Variants in MCPH1 observed in about 807,000 individuals in gnomAD.
The protein encoded by MCPH1 is microcephalin 1.
In MCPH1, 104 loss-of-function variants were observed where a neutral mutation model predicts 84.5. That is an observed-to-expected ratio of 1.23 (90% CI 1.05 to 1.45). The LOEUF is 1.45. Among genes scored for constraint, MCPH1 ranks in the 40% most tolerant of loss-of-function variants. MCPH1 has a pLI of 0.00. For synonymous variants in MCPH1, 514 were observed against 366.8 expected (o/e 1.40, Z -4.58); for missense variants, 1,498 against 1,005.7 (o/e 1.49, Z -6.62).
chr8:6,455,786 C>G (rs1805608446), intron 9 of MCPH1, among the ~76,000 whole-genome samples: 1 of 152,194 alleles, frequency 6.6e-6, no homozygotes, highest in South Asian at 2.1e-4. Flanking sequence ...TTTTATCATT[C>G]AATATCTACT....
At chr8:6,415,329 C>G (rs1386341475) in intron 3 of MCPH1, among the ~76,000 whole-genome samples, 4 of 144,624 alleles carry the variant, frequency 2.8e-5, no homozygotes, top group African/African-American at 7.8e-5. Flanking sequence ...GCTCTGTCAT[C>G]CAAGCTAGAG....
chr8:6,580,817 C>T (rs13280127), intron 12 of MCPH1, among the ~76,000 whole-genome samples: 63,826 of 152,132 alleles, frequency 0.42, 14,357 homozygotes, highest in East Asian at 0.85. Context: ...CTTCTGCTTC[C>T]TATTCCTGTA....
At chr8:6,537,269 G>A (rs1035800876) in intron 12 of MCPH1, among the ~76,000 whole-genome samples, 2 of 152,150 alleles carry the variant, frequency 1.3e-5, no homozygotes, top group Non-Finnish European at 2.9e-5. Context: ...AATAGGTCCT[G>A]CTGTATATGT....
At chr8:6,636,010 G>C (rs1382856761) in intron 13 of MCPH1, among the ~76,000 whole-genome samples, 1 of 152,224 alleles carries the variant, frequency 6.6e-6, no homozygotes, top group Admixed American at 6.5e-5. Context: ...GTGTGAATAA[G>C]TGTAAGGAAA....
intron 12 of MCPH1, among the ~76,000 whole-genome samples, chr8:6,609,381 A>G (rs1432422024): frequency 1.3e-5 from 2 of 152,186 alleles, no homozygotes; most frequent in African/African-American, 4.8e-5. Flanking sequence ...GAGGCATGAA[A>G]TCCAGATTTA....
chr8:6,620,815 A>G (rs570641657), intron 12 of MCPH1, among the ~76,000 whole-genome samples: 1 of 152,316 alleles, frequency 6.6e-6, no homozygotes, highest in South Asian at 2.1e-4. Context: ...GAAGCAGAGC[A>G]GCTTCACATC....
Position 6,647,516 on chromosome 8 carries a change from C to G in MCPH1, c.*4467C>G, listed in dbSNP as rs1798268723. 1.3e-5 allele frequency: 2 copies of G among 152,176 alleles called. No homozygotes were observed. Among genetic ancestry groups the G allele is most frequent in the African/African-American group, 4.8e-5 (2 of 41,444 alleles). The allele number at this position is 152,176 out of a possible 1,614,324, so 9.4% of individuals were successfully genotyped here. A position where few individuals can be genotyped will look rare whatever the true frequency, so the allele number is the denominator to read the frequency against. ...ATTATTCATAATAACCAAAAATTAG[C>G]CCATCAACTGAAAAGTAGATAAACA... On this transcript the variant is annotated 3_prime_UTR_variant, in exon 14 of 14. Coordinates refer to ENST00000344683, the MANE Select transcript of MCPH1 (RefSeq NM_024596.5).
At chr8:6,410,542 G>T (rs1392828795) in intron 2 of MCPH1, among the ~76,000 whole-genome samples, 1 of 152,158 alleles carries the variant, frequency 6.6e-6, no homozygotes, top group Non-Finnish European at 1.5e-5. Context: ...ATCACGTACT[G>T]CTTGTGTTCA....
rs151315076 is a variant in MCPH1, at chr8:6,439,452, G to A, written c.580+356G>A. 5.6e-3 allele frequency among the ~76,000 whole-genome samples: 844 copies of A among 149,418 alleles called. 7 individuals are homozygous for A. The highest frequency in any genetic ancestry group is 0.02 in the African/African-American group (821 of 40,496). The stretch of plus-strand genomic sequence containing the variant: ...GTCACCCAGGCTGGAGTGCAGTGGC[G>A]CGATCTGGGCTCACTGCAACCTCCC... On this transcript the variant is annotated intron_variant, in intron 6 of 13. Coordinates refer to ENST00000344683, the MANE Select transcript of MCPH1 (RefSeq NM_024596.5).
At chr8:6,636,544 A>T (rs1797569487) in intron 13 of MCPH1, among the ~76,000 whole-genome samples, 1 of 152,052 alleles carries the variant, frequency 6.6e-6, no homozygotes, top group East Asian at 1.9e-4. Flanking sequence ...CAGTGCTGCG[A>T]TCATAGCTCA....
At chr8:6,550,917 G>A (rs758634666) in intron 12 of MCPH1, among the ~76,000 whole-genome samples, 1 of 152,154 alleles carries the variant, frequency 6.6e-6, no homozygotes, top group South Asian at 2.1e-4. Flanking sequence ...ACAGCCCAAG[G>A]AGCCCAAGGG....
At chr8:6,592,675 G>A (rs2442578) in intron 12 of MCPH1, among the ~76,000 whole-genome samples, 1 of 122,862 alleles carries the variant, frequency 8.1e-6, no homozygotes, top group Non-Finnish European at 1.6e-5. Context: ...TTTTAATTGA[G>A]AAGGGGTCTC....
chr8:6,532,845 C>A (rs890894987), intron 12 of MCPH1, among the ~76,000 whole-genome samples: 10 of 152,184 alleles, frequency 6.6e-5, no homozygotes, highest in Admixed American at 3.9e-4. Flanking sequence ...CTGTCCTACC[C>A]AGCTGCAACT....
chr8:6,557,797 G>T (rs1433668853), intron 12 of MCPH1, among the ~76,000 whole-genome samples: 1 of 152,006 alleles, frequency 6.6e-6, no homozygotes, highest in South Asian at 2.1e-4. Flanking sequence ...ATTGTGAACA[G>T]CTAATTGGAA....
At chr8:6,621,120 A>G (rs113207470) in intron 12 of MCPH1, 8 of 375,318 alleles carry the variant, frequency 2.1e-5, no homozygotes, top group African/African-American at 1.3e-4. Flanking sequence ...AAGTTACTTT[A>G]GTGAGAGTTC....
intron 12 of MCPH1, among the ~76,000 whole-genome samples, chr8:6,578,937 C>T (rs1226550623): frequency 2.0e-5 from 3 of 152,156 alleles, no homozygotes; most frequent in African/African-American, 4.8e-5. Flanking sequence ...TCATGTTTTT[C>T]GTTCATAAAT....
intron 11 of MCPH1, among the ~76,000 whole-genome samples, chr8:6,483,623 A>C (rs1314235827): frequency 6.6e-6 from 1 of 152,208 alleles, no homozygotes; most frequent in African/African-American, 2.4e-5. Context: ...GAACCTTCCC[A>C]ACACTTTGGG....
chr8:6,542,016 A>T (rs897843685), intron 12 of MCPH1, among the ~76,000 whole-genome samples: 27 of 152,082 alleles, frequency 1.8e-4, no homozygotes, highest in African/African-American at 6.3e-4. Flanking sequence ...TCAAAAAAAA[A>T]AAAAAAAAAG....
intron 2 of MCPH1, among the ~76,000 whole-genome samples, chr8:6,409,802 A>G (rs1000328249): frequency 6.6e-6 from 1 of 152,204 alleles, no homozygotes; most frequent in African/African-American, 2.4e-5. Flanking sequence ...GGGTCATGTG[A>G]AGTCACAGGT....
Sources: allele counts gnomAD v4.1 joint callset (sites outside exome capture counted in the v4.1 genomes callset), GRCh38; gene constraint gnomAD v4.1.1; transcripts MANE v1.5; gene names NCBI Gene and HGNC (gene_info 2026-07-23, HGNC 2026-07-21).